TRAPPC9: variants seen among roughly 807,000 people sequenced by gnomAD.
TRAPPC9 encodes the protein trafficking protein particle complex subunit 9, also known as IKK2 binding protein.
Under a neutral mutation model 124.0 loss-of-function variants are expected in TRAPPC9, and 83 were observed. That is an observed-to-expected ratio of 0.67 (90% CI 0.56 to 0.80). The LOEUF is 0.80. Ranked by LOEUF, TRAPPC9 falls within the 30% of genes least tolerant of loss-of-function variation. The pLI, the probability that TRAPPC9 is intolerant of heterozygous loss-of-function variation, is 0.00. For missense variants in TRAPPC9, 1,302 were observed against 1,508.3 expected (o/e 0.86, Z 2.27); for synonymous variants, 638 against 617.5 (o/e 1.03, Z -0.49).
intron 17 of TRAPPC9, among the ~76,000 whole-genome samples, chr8:140,205,466 C>T (rs2062897090): frequency 6.6e-6 from 1 of 152,182 alleles, no homozygotes; most frequent in African/African-American, 2.4e-5. Context: ...AATTAATGTT[C>T]AAGTGCTCTG....
At position 140,272,978 on chromosome 8, in the gene TRAPPC9, A is replaced by C. The variant is rs376172627; in HGVS notation, c.2278+2680T>G. 3.7e-4 allele frequency among the ~76,000 whole-genome samples: 56 copies of C among 152,150 alleles called. 1 individual carries two copies. The highest frequency in any genetic ancestry group is 1.3e-3 in the African/African-American group (52 of 41,426). ...TGTGTGAGAACAAATCTGAGTGCTT[A>C]CATGCCAAGCACTGTCTCAAGTGCT... On this transcript the variant is annotated intron_variant, in intron 15 of 22. Coordinates refer to ENST00000438773, the MANE Select transcript of TRAPPC9 (RefSeq NM_001160372.4).
intron 17 of TRAPPC9, among the ~76,000 whole-genome samples, chr8:140,157,207 C>CCCTTTCCATTCAAAAGCCTT (rs2061664300): frequency 2.1e-5 from 1 of 48,550 alleles, no homozygotes; most frequent in African/African-American, 1.0e-4. Context: ...TCAAAAGCCT[C>CCCTTTCCATTCAAAAGCCTT]CCTTTTCCAT....
chr8:139,956,649 C>A (rs928466118), intron 19 of TRAPPC9, among the ~76,000 whole-genome samples: 3 of 152,232 alleles, frequency 2.0e-5, no homozygotes, highest in African/African-American at 7.2e-5. Flanking sequence ...GACCTGTGTG[C>A]CTGGAACAGC....
chr8:140,033,688 T>TTTGAGACAGAGTCTCGCTTTG (rs1225633554), intron 17 of TRAPPC9, among the ~76,000 whole-genome samples: 1 of 115,080 alleles, frequency 8.7e-6, no homozygotes, highest in Non-Finnish European at 1.7e-5. Flanking sequence ...TTTTTTTTTT[T>TTTGAGACAGAGTCTCGCTTTG]TTTTTTTTTT....
intron 17 of TRAPPC9, among the ~76,000 whole-genome samples, chr8:140,091,903 C>G (rs1050503529): frequency 5.9e-5 from 9 of 152,140 alleles, no homozygotes; most frequent in African/African-American, 1.4e-4. Flanking sequence ...AGACCTTCTA[C>G]AGTGGCGCCC....
chr8:139,801,940 T>C (rs1046009987), intron 21 of TRAPPC9, among the ~76,000 whole-genome samples: 1 of 152,216 alleles, frequency 6.6e-6, no homozygotes, highest in East Asian at 1.9e-4. Flanking sequence ...CTGAGGCCTG[T>C]GGACATGGTT....
intron 18 of TRAPPC9, among the ~76,000 whole-genome samples, chr8:140,003,601 C>CA (rs58826807): frequency 0.027 from 2,453 of 91,292 alleles, 45 homozygotes; most frequent in South Asian, 0.048. Flanking sequence ...GACCCTGTCA[C>CA]AAAAAAAAAA....
At chr8:140,159,131 TC>T (rs1298353734) in intron 17 of TRAPPC9, among the ~76,000 whole-genome samples, 5 of 151,952 alleles carry the variant, frequency 3.3e-5, no homozygotes, top group Non-Finnish European at 5.9e-5. Flanking sequence ...CACAGTAACC[TC>T]CCCCGCCCGC....
At chr8:140,098,278 C>T (rs73359193) in intron 17 of TRAPPC9, 1 of 152,138 alleles carries the variant, frequency 6.6e-6, no homozygotes, top group African/African-American at 2.4e-5. Context: ...CCAGAGCCAC[C>T]CAGATCCTCC....
rs987959155 is a variant in TRAPPC9, at chr8:139,727,973, G to A, written c.*3088C>T. Reference sequence around the variant, plus strand: ...GATGGAATTAAAAAGAACAGCAATGGGAAGGCTAGGAGAAGGGACCCAGTA... The same window carrying A: ...GATGGAATTAAAAAGAACAGCAATGAGAAGGCTAGGAGAAGGGACCCAGTA... On this transcript the variant is annotated 3_prime_UTR_variant, in exon 23 of 23. Transcript: ENST00000438773. Among the ~76,000 whole-genome samples the A allele has an allele frequency of 3.3e-5, 5 of 152,166 alleles. No individual in the cohort carries two copies. The highest frequency in any genetic ancestry group is 7.2e-5 in the African/African-American group (3 of 41,504).
intron 19 of TRAPPC9, among the ~76,000 whole-genome samples, chr8:139,927,792 G>A (rs1832899578): frequency 6.6e-6 from 1 of 152,190 alleles, no homozygotes; most frequent in Non-Finnish European, 1.5e-5. Flanking sequence ...ACAAACTATT[G>A]TTGCAGGCCA....
intron 21 of TRAPPC9, among the ~76,000 whole-genome samples, chr8:139,739,533 GC>G (rs1216567074): frequency 5.3e-5 from 8 of 152,160 alleles, no homozygotes; most frequent in Admixed American, 5.2e-4. Context: ...CTGCTCCCTG[GC>G]CATCCTGTCC....
chr8:140,083,722 A>G (rs907693267), intron 17 of TRAPPC9, among the ~76,000 whole-genome samples: 6 of 152,086 alleles, frequency 3.9e-5, no homozygotes, highest in Admixed American at 6.6e-5. Context: ...GCTGGAGTGC[A>G]GTGGCGTGAT....
At position 140,062,560 on chromosome 8, in the gene TRAPPC9, G is replaced by A. The variant is rs144567369; in HGVS notation, c.2557-38481C>T. On this transcript the variant is annotated intron_variant, in intron 17 of 22. Coordinates refer to ENST00000438773, the MANE Select transcript of TRAPPC9 (RefSeq NM_001160372.4). Reference sequence around the variant, plus strand: ...AGGCTCACCTTTGACAGCGCCCTCAGAGACCCTCCTCACTTCCTGTAAGCC... The same window carrying A: ...AGGCTCACCTTTGACAGCGCCCTCAAAGACCCTCCTCACTTCCTGTAAGCC... 3.3e-5 allele frequency among the ~76,000 whole-genome samples: 5 copies of A among 152,178 alleles called. No homozygotes were observed. In the East Asian group the frequency reaches 9.7e-4, roughly 29 times the overall value.
intron 21 of TRAPPC9, among the ~76,000 whole-genome samples, chr8:139,852,461 G>A (rs1288273591): frequency 6.6e-6 from 1 of 152,152 alleles, no homozygotes; most frequent in Non-Finnish European, 1.5e-5. Flanking sequence ...GATACACAGT[G>A]CGTGCTCTGA....
intron 20 of TRAPPC9, among the ~76,000 whole-genome samples, chr8:139,893,429 C>T: frequency 6.6e-6 from 1 of 152,226 alleles, no homozygotes; most frequent in East Asian, 1.9e-4. Flanking sequence ...CCCAACCTGC[C>T]CTGGCGGTCT....
Position 139,788,422 on chromosome 8 carries a change from CG to C in TRAPPC9, c.3056-56221del, listed in dbSNP as rs1258947529. Among the ~76,000 whole-genome samples the C allele has an allele frequency of 3.3e-5, 5 of 152,236 alleles. No homozygotes were observed. Among genetic ancestry groups the C allele is most frequent in the Non-Finnish European group, 7.3e-5 (5 of 68,042 alleles). On this transcript the variant is annotated intron_variant, in intron 21 of 22. Coordinates refer to ENST00000438773, the MANE Select transcript of TRAPPC9 (RefSeq NM_001160372.4). The surrounding 1 kb of genome is among the most constrained non-coding windows in gnomAD (Gnocchi z 4.9). ...TAACTATCAGGCAGGGCAAGGATGG[CG>C]GCTGCTGGGGAGGGAGAGCGGGAGC...
At chr8:140,388,425 T>C (rs1260907171) in intron 7 of TRAPPC9, among the ~76,000 whole-genome samples, 4 of 150,680 alleles carry the variant, frequency 2.7e-5, no homozygotes, top group Non-Finnish European at 4.4e-5. Context: ...GGCTTACACC[T>C]GTAATCCCAG....
At chr8:140,213,851 G>T (rs1020791749) in intron 17 of TRAPPC9, among the ~76,000 whole-genome samples, 2 of 152,240 alleles carry the variant, frequency 1.3e-5, no homozygotes, top group African/African-American at 4.8e-5. Flanking sequence ...AGTGTTTACA[G>T]AGCAGTATTG....
Sources: gnomAD v4.1 joint callset for allele counts (sites outside exome capture counted in the v4.1 genomes callset) on GRCh38, gnomAD v4.1.1 for gene constraint, Gnocchi (gnomAD v3.1) non-coding constraint, MANE v1.5 for transcripts, NCBI Gene and HGNC (gene_info 2026-07-23, HGNC 2026-07-21) for gene names.